The following TECPR2 variants were observed in gnomAD, a reference collection of about 807,000 sequenced individuals.
The protein encoded by TECPR2 is tectonin beta-propeller repeat-containing protein 2.
Under a neutral mutation model 138.1 loss-of-function variants are expected in TECPR2, and 65 were observed. The ratio of observed to expected loss-of-function variants is 0.47; its 90% CI spans 0.39 to 0.58. TECPR2 has a LOEUF of 0.58. Among genes scored for constraint, TECPR2 ranks in the 20% least tolerant of loss-of-function variants. The pLI, the probability that TECPR2 is intolerant of heterozygous loss-of-function variation, is 0.00. For synonymous variants in TECPR2, 746 were observed against 749.8 expected (o/e 0.99, Z 0.08); for missense variants, 1,553 against 1,824.5 (o/e 0.85, Z 2.71).
In TECPR2 at chr14:102,493,193, A is replaced by G. The variant is rs976432608; in HGVS notation, c.3790-3786A>G. Among the ~76,000 whole-genome samples the G allele has an allele frequency of 3.9e-5, 6 of 152,200 alleles. No homozygotes were observed. In the South Asian group the frequency reaches 6.2e-4, roughly 16 times the overall value. On this transcript the variant is annotated intron_variant, in intron 17 of 19. Transcript: ENST00000359520. ...ATTCAAAAGCTAGCTGCTTCAAACC[A>G]CAGCGCGTCTCAGCTCTGGGCCAGG...
intron 2 of TECPR2, among the ~76,000 whole-genome samples, chr14:102,389,070 C>T (rs1888098355): frequency 6.6e-6 from 1 of 151,814 alleles, no homozygotes; most frequent in Non-Finnish European, 1.5e-5. Context: ...GTGGAGGTTG[C>T]AGTGAGCCGA....
Position 102,499,046 on chromosome 14 carries a change from C to T in TECPR2, c.*789C>T. The T allele has an allele frequency of 1.4e-6, 1 of 702,104 alleles. No homozygotes were observed. Among genetic ancestry groups the T allele is most frequent in the Non-Finnish European group, 2.6e-6 (1 of 384,624 alleles). 43.5% of individuals were successfully genotyped at this position (702,104 alleles called of 1,614,324 possible). A position where few individuals can be genotyped will look rare whatever the true frequency, so the allele number is the denominator to read the frequency against. ...CGCCACATCTCACCACACCACACCA[C>T]ACCACACCTCACTGCCCACACACGG... On this transcript the variant is annotated 3_prime_UTR_variant, in exon 20 of 20. Coordinates refer to ENST00000359520, the MANE Select transcript of TECPR2 (RefSeq NM_014844.5).
chr14:102,500,372 T>C lies in TECPR2; in HGVS notation c.*2115T>C, dbSNP rs1891410777. On this transcript the variant is annotated 3_prime_UTR_variant, in exon 20 of 20. Transcript: ENST00000359520. Reference sequence around the variant, plus strand: ...TATGGGGGAATGGCCGCTCCAGAGCTGGCTGTACCCCATGGTAGCCTCTGA... The same window carrying C: ...TATGGGGGAATGGCCGCTCCAGAGCCGGCTGTACCCCATGGTAGCCTCTGA... 6.6e-6 allele frequency: 1 copy of C among 152,318 alleles called. No homozygotes were observed. Among genetic ancestry groups the C allele is most frequent in the African/African-American group, 2.4e-5 (1 of 41,470 alleles). 9.4% of individuals were successfully genotyped at this position (152,318 alleles called of 1,614,324 possible). A position where few individuals can be genotyped will look rare whatever the true frequency, so the allele number is the denominator to read the frequency against.
chr14:102,493,051 C>G (rs1270641085), intron 17 of TECPR2, among the ~76,000 whole-genome samples: 1 of 152,260 alleles, frequency 6.6e-6, no homozygotes, highest in Non-Finnish European at 1.5e-5. Flanking sequence ...CAGCGCCCAT[C>G]TTTCTCTATC....
intron 2 of TECPR2, among the ~76,000 whole-genome samples, chr14:102,390,028 A>G (rs1888123046): frequency 6.6e-6 from 1 of 152,238 alleles, no homozygotes; most frequent in Non-Finnish European, 1.5e-5. Flanking sequence ...TTGGTCTTAA[A>G]TATTTCAAAA....
Position 102,376,944 on chromosome 14 carries a change from A to C in TECPR2, c.219+4A>C. 6.2e-7 allele frequency: 1 copy of C among 1,611,106 alleles called. No homozygotes were observed. Among genetic ancestry groups the C allele is most frequent in the Non-Finnish European group, 8.5e-7 (1 of 1,178,942 alleles). On this transcript the variant is annotated splice_donor_region_variant and intron_variant, in intron 2 of 19. Coordinates refer to ENST00000359520, the MANE Select transcript of TECPR2 (RefSeq NM_014844.5). The stretch of plus-strand genomic sequence containing the variant: ...GATGAGGAAGTACAACTTTGAGGTG[A>C]GCCTTGCTTTGCTTTTCACCTGAGG...
chr14:102,417,290 G>C (rs1223359308), intron 5 of TECPR2, among the ~76,000 whole-genome samples: 1 of 152,204 alleles, frequency 6.6e-6, no homozygotes, highest in Admixed American at 6.5e-5. Flanking sequence ...TATTGTGTGC[G>C]TCTATCCCTG....
intron 17 of TECPR2, among the ~76,000 whole-genome samples, chr14:102,489,461 C>G (rs187051100): frequency 6.6e-6 from 1 of 151,776 alleles, no homozygotes; most frequent in African/African-American, 2.4e-5. Flanking sequence ...TATCCCAGTA[C>G]TTTGGGAGGC....
At chr14:102,374,942 T>A (rs889188067) in intron 1 of TECPR2, among the ~76,000 whole-genome samples, 1 of 152,144 alleles carries the variant, frequency 6.6e-6, no homozygotes, top group African/African-American at 2.4e-5. Flanking sequence ...GTGAGGCAGA[T>A]ATGGGCTCTG....
chr14:102,370,456 T>C (rs1887471434), intron 1 of TECPR2, among the ~76,000 whole-genome samples: 1 of 152,120 alleles, frequency 6.6e-6, no homozygotes, highest in South Asian at 2.1e-4. Flanking sequence ...TGCTAGGAGA[T>C]CTCATGAGCT....
chr14:102,412,292 C>A (rs973572450), intron 4 of TECPR2, among the ~76,000 whole-genome samples: 3 of 152,094 alleles, frequency 2.0e-5, no homozygotes, highest in Admixed American at 6.6e-5. Flanking sequence ...CCACCATGCC[C>A]AGCTGATTTT....
At chr14:102,463,713 C>T (rs1890475759) in intron 16 of TECPR2, among the ~76,000 whole-genome samples, 1 of 152,026 alleles carries the variant, frequency 6.6e-6, no homozygotes. Context: ...CACTTGAGGT[C>T]AGGAGTTCGA....
At chr14:102,464,809 A>G (rs965852628) in intron 16 of TECPR2, among the ~76,000 whole-genome samples, 2 of 152,040 alleles carry the variant, frequency 1.3e-5, no homozygotes, top group African/African-American at 2.4e-5. Context: ...TGAGATACTA[A>G]TCCCAGGGCT....
At position 102,420,844 on chromosome 14, in the gene TECPR2, A is replaced by G. The variant is rs1401118293; in HGVS notation, c.639-4135A>G. On this transcript the variant is annotated intron_variant, in intron 5 of 19. Transcript: ENST00000359520. This position sits in a 1 kb window ranked among gnomAD's most constrained non-coding sequence, Gnocchi z 4.1. ...CTCCTTTCCCTTCCTCCAGGGTAAG[A>G]GTCCACCTGGTGTTCAGGACCTCGC... is the stretch of plus-strand genomic sequence containing the variant. 6.6e-6 allele frequency among the ~76,000 whole-genome samples: 1 copy of G among 152,112 alleles called. No homozygotes were observed. Among genetic ancestry groups the G allele is most frequent in the Non-Finnish European group, 1.5e-5 (1 of 68,012 alleles).
At chr14:102,448,945 T>C (rs1890064358) in intron 13 of TECPR2, among the ~76,000 whole-genome samples, 1 of 152,002 alleles carries the variant, frequency 6.6e-6, no homozygotes, top group South Asian at 2.1e-4. Flanking sequence ...TATACTGTTG[T>C]CCATTGGAAA....
At chr14:102,402,814 C>T (rs544474796) in intron 2 of TECPR2, among the ~76,000 whole-genome samples, 50 of 152,188 alleles carry the variant, frequency 3.3e-4, no homozygotes, top group Middle Eastern at 3.4e-3. Context: ...CCCCTAGAAA[C>T]ACAAAACCTA....
chr14:102,497,820 C>T lies in TECPR2; in HGVS notation c.4081+101C>T, dbSNP rs1035080132. The T allele has an allele frequency of 2.9e-6, 4 of 1,394,390 alleles. No homozygotes were observed. The African/African-American group carries it at 5.8e-5, about 20-fold the overall frequency. The allele number at this position is 1,394,390 out of a possible 1,614,324, so 86.4% of individuals were successfully genotyped here. ...CAAAGAAGCCGACCCCACTGGGCTCCAATCTCTCAAAGCAAGAACTGAGGG... is the reference window on the plus strand; with the variant it reads ...CAAAGAAGCCGACCCCACTGGGCTCTAATCTCTCAAAGCAAGAACTGAGGG... On this transcript the variant is annotated intron_variant, in intron 19 of 19. Transcript: ENST00000359520.
chr14:102,386,373 G>A (rs1888003857), intron 2 of TECPR2, among the ~76,000 whole-genome samples: 1 of 152,126 alleles, frequency 6.6e-6, no homozygotes, highest in Non-Finnish European at 1.5e-5. Context: ...AGGAGACTGA[G>A]GCTGGAGAAT....
Position 102,443,823 on chromosome 14 carries a change from G to T in TECPR2, c.2929G>T (p.Val977Phe), listed in dbSNP as rs1248210493. 1 of 1,582,212 alleles carries T rather than the reference G, an allele frequency of 6.3e-7. No individual in the cohort carries two copies. The highest frequency in any genetic ancestry group is 1.3e-5 in the African/African-American group (1 of 74,308). ...PEGEQWKCDI[V>F]SERQALEPVC... ...AGGCGAGCAGTGGAAGTGTGACATT[G>T]TCAGGTACTGGCGGGCCAGAGACTC... Residue 977 changes from valine to phenylalanine, a missense_variant, in exon 12 of 20, where the codon GTC (valine) becomes TTC (phenylalanine). Physicochemically the swap from Val to Phe is conservative, Grantham distance 50. Coordinates refer to ENST00000359520, the MANE Select transcript of TECPR2 (RefSeq NM_014844.5). This position sits in a 1 kb window ranked among gnomAD's most constrained non-coding sequence, Gnocchi z 4.9.
Sources: allele counts gnomAD v4.1 joint callset (sites outside exome capture counted in the v4.1 genomes callset), GRCh38; gene constraint gnomAD v4.1.1; non-coding constraint Gnocchi (gnomAD v3.1); transcripts MANE v1.5; gene names NCBI Gene and HGNC (gene_info 2026-07-23, HGNC 2026-07-21).